GET4: variants seen among roughly 807,000 people sequenced by gnomAD.
GET4 encodes Golgi to ER traffic protein 4 homolog.
GET4 carries 20 observed loss-of-function variants against 40.0 expected under a neutral mutation model. The observed-to-expected ratio is 0.50, with a 90% CI of 0.35 to 0.73. The LOEUF is 0.73. Among genes scored for constraint, GET4 ranks in the 30% least tolerant of loss-of-function variants. The pLI is 0.01. For missense variants in GET4, 557 were observed against 454.0 expected (o/e 1.23, Z -2.06); for synonymous variants, 280 against 194.6 (o/e 1.44, Z -3.65).
At chr7:878,524 C>T (rs1487747392) in intron 1 of GET4, among the ~76,000 whole-genome samples, 1 of 151,216 alleles carries the variant, frequency 6.6e-6, no homozygotes, top group African/African-American at 2.4e-5. Context: ...GTTGGTCTGG[C>T]CTTTATACAG....
intron 5 of GET4, among the ~76,000 whole-genome samples, chr7:891,472 C>T (rs935505277): frequency 2.6e-5 from 4 of 151,680 alleles, no homozygotes; most frequent in Non-Finnish European, 4.4e-5. Flanking sequence ...AGGCTCCGGG[C>T]GCTGTCTGCT....
intron 5 of GET4, 89 bp from the exon 6 acceptor site, chr7:892,189 C>A: frequency 7.2e-7 from 1 of 1,396,206 alleles, no homozygotes; most frequent in Non-Finnish European, 1.0e-6. Context: ...GGCGCACGAG[C>A]TTGGGAAGGA....
Position 886,648 on chromosome 7 carries a change from T to C in GET4, c.314T>C (p.Leu105Pro). The C allele has an allele frequency of 6.2e-7, 1 of 1,606,978 alleles. No homozygotes were observed. The highest frequency in any genetic ancestry group is 8.5e-7 in the Non-Finnish European group (1 of 1,174,908). Residue 105 changes from leucine to proline, a missense_variant and splice_region_variant, in exon 3 of 9, where the codon CTG becomes CCG. By Grantham distance (98) the Leu-to-Pro change is moderately conservative. Transcript: ENST00000265857. ...GAAGTGGAGGTGGCTGACGAGCTGC[T>C]GGGTGAGCATCCGGCCCTTCACCCC... Reference protein sequence around the residue: ...KAEVEVADELLENLAKVFSLM... With the variant: ...KAEVEVADELPENLAKVFSLM...
rs749467342 is a variant in GET4, at chr7:895,429, C to G, written c.*7C>G. Reference sequence around the variant, plus strand: ...CCCCATCGAGCTGGACTGAACTGGCCAGGCCACGTGGAGACACCACGGTCG... The same window carrying G: ...CCCCATCGAGCTGGACTGAACTGGCGAGGCCACGTGGAGACACCACGGTCG... On this transcript the variant is annotated 3_prime_UTR_variant, in exon 9 of 9. Coordinates refer to ENST00000265857, the MANE Select transcript of GET4 (RefSeq NM_015949.3). The G allele has an allele frequency of 3.4e-6, 5 of 1,491,002 alleles. No individual in the cohort carries two copies. In the East Asian group the frequency reaches 9.2e-5, roughly 27 times the overall value. 92.4% of individuals were successfully genotyped at this position (1,491,002 alleles called of 1,614,324 possible). A position where few individuals can be genotyped will look rare whatever the true frequency, so the allele number is the denominator to read the frequency against.
At chr7:879,525 C>T (rs1585487992) in intron 1 of GET4, among the ~76,000 whole-genome samples, 1 of 152,210 alleles carries the variant, frequency 6.6e-6, no homozygotes, top group East Asian at 1.9e-4. Context: ...GGGCTCAGGA[C>T]AGTGCATGTG....
chr7:887,483 C>T lies in GET4; in HGVS notation c.430C>T (p.Arg144Trp), dbSNP rs1266849962. The T allele has an allele frequency of 8.2e-6, 13 of 1,576,242 alleles. No individual in the cohort carries two copies. The highest frequency in any genetic ancestry group is 1.1e-5 in the Non-Finnish European group (13 of 1,160,718). ...SGGSGKLGHP[R>W]LHQLLALTLW... ...GGGCTCCGGGAAGCTGGGCCACCCC[C>T]GGCTGCACCAGCTGCTGGCCCTCAC... The change falls in exon 4 of 9, where the codon CGG (arginine) becomes TGG (tryptophan). Residue 144 changes from arginine (R) to tryptophan (W), a missense_variant. Arg to Trp is a moderately radical substitution (Grantham distance 101). Coordinates refer to ENST00000265857, the MANE Select transcript of GET4 (RefSeq NM_015949.3).
At position 886,581 on chromosome 7, in the gene GET4, G is replaced by A. The variant is rs1171074764; in HGVS notation, c.247G>A (p.Ala83Thr). 1.9e-6 allele frequency: 3 copies of A among 1,612,016 alleles called. No homozygotes were observed. Among genetic ancestry groups the A allele is most frequent in the South Asian group, 2.2e-5 (2 of 91,044 alleles). ...FFSHGQQNSA[A>T]DLSMLVLESL... ...CTTTCTCTTGTAGCAAAACAGTGCAGCAGACTTGTCCATGCTGGTCCTGGA... is the reference window on the plus strand; with the variant it reads ...CTTTCTCTTGTAGCAAAACAGTGCAACAGACTTGTCCATGCTGGTCCTGGA... The change falls in exon 3 of 9, where the codon GCA (alanine) becomes ACA (threonine). Residue 83 changes from alanine (A) to threonine (T), a missense_variant. Physicochemically the swap from Ala to Thr is moderately conservative, Grantham distance 58. Transcript: ENST00000265857.
At position 892,411 on chromosome 7, in the gene GET4, G is replaced by T. The variant is rs776018967; in HGVS notation, c.739G>T (p.Val247Leu). The T allele has an allele frequency of 1.3e-6, 2 of 1,587,206 alleles. No individual in the cohort carries two copies. Among genetic ancestry groups the T allele is most frequent in the Admixed American group, 1.7e-5 (1 of 59,664 alleles). Reference protein sequence around the residue: ...LNFIWFLLLAVDGGKLTVFTV... With the variant: ...LNFIWFLLLALDGGKLTVFTV... ...CTTCATCTGGTTCCTGCTGCTGGCT[G>T]TGGACGGGTGCGTCTTGGGATCCTG... Residue 247 changes from valine (V) to leucine (L), a missense_variant, in exon 6 of 9, where the codon GTG becomes TTG. Val to Leu is a conservative substitution (Grantham distance 32, BLOSUM62 1). Coordinates refer to ENST00000265857, the MANE Select transcript of GET4 (RefSeq NM_015949.3).
intron 1 of GET4, chr7:879,854 G>T (rs930283619): frequency 2.0e-5 from 3 of 152,190 alleles, no homozygotes; most frequent in African/African-American, 7.2e-5. Flanking sequence ...CTCCCAAATG[G>T]CACGGGTTGT....
intron 6 of GET4, among the ~76,000 whole-genome samples, chr7:893,086 GGTGCGGGCGTGGTGATGT>G (rs1462051163): frequency 6.7e-6 from 1 of 148,922 alleles, no homozygotes; most frequent in Admixed American, 6.7e-5. Flanking sequence ...GCGAGTGTTG[GGTGCGGGCGTGGTGATGT>G]GTGCAGGCAA....
intron 1 of GET4, among the ~76,000 whole-genome samples, chr7:878,984 C>T (rs967058624): frequency 3.3e-5 from 5 of 149,698 alleles, no homozygotes; most frequent in Non-Finnish European, 7.4e-5. Context: ...ACACCCCCCC[C>T]CGAGTAGAGT....
intron 1 of GET4, chr7:885,368 C>T (rs1205483113): frequency 6.6e-6 from 1 of 152,392 alleles, no homozygotes; most frequent in Non-Finnish European, 1.5e-5. Context: ...GCGGCCATCT[C>T]GGCTTCTCTC....
chr7:878,830 C>T (rs961360184), intron 1 of GET4, among the ~76,000 whole-genome samples: 1 of 152,212 alleles, frequency 6.6e-6, no homozygotes, highest in South Asian at 2.1e-4. Context: ...CCGCCCACCT[C>T]GGCCACCCAA....
intron 5 of GET4, among the ~76,000 whole-genome samples, chr7:891,326 C>T (rs2128629082): frequency 6.6e-6 from 1 of 152,354 alleles, no homozygotes; most frequent in African/African-American, 2.4e-5. Context: ...TCGCCCACTG[C>T]CGGGAGGCCC....
In GET4 at chr7:883,782, G is replaced by T. The variant is rs866659022; in HGVS notation, c.156-2274G>T. The T allele has an allele frequency of 7.5e-5, 74 of 987,748 alleles. 1 individual carries two copies. In the Middle Eastern group the frequency reaches 2.1e-3, roughly 28 times the overall value. 61.2% of individuals were successfully genotyped at this position (987,748 alleles called of 1,614,324 possible). On this transcript the variant is annotated intron_variant, in intron 1 of 8. Transcript: ENST00000265857. ...AGTCACCTGGAAACCAAAATCCTTC[G>T]CAGCTTCCAGAATTCTCCAGTACAG...
In GET4 at chr7:877,498, A is replaced by T. The variant is rs988845751; in HGVS notation, c.155+698A>T. Among the ~76,000 whole-genome samples the T allele has an allele frequency of 4.5e-4, 13 of 29,152 alleles. 1 individual carries two copies. In the East Asian group the frequency reaches 0.015, roughly 33 times the overall value. The allele number at this position is 29,152 out of a possible 152,430, so 19.1% of individuals were successfully genotyped here. A position where few individuals can be genotyped will look rare whatever the true frequency, so the allele number is the denominator to read the frequency against. ...CTCTCTCCCTGTCCTCCCTCTGCCC[A>T]CCCCCCGTCTCTCTCTCTTCCTGCT... On this transcript the variant is annotated intron_variant, in intron 1 of 8. Transcript: ENST00000265857.
At chr7:894,309 C>G (rs1284622778) in intron 8 of GET4, among the ~76,000 whole-genome samples, 2 of 152,164 alleles carry the variant, frequency 1.3e-5, no homozygotes, top group Non-Finnish European at 2.9e-5. Context: ...GCCCGGGACG[C>G]TGCCAGCCGT....
In GET4 at chr7:876,814, G is replaced by A; in HGVS notation, c.155+14G>A. 3 of 1,172,602 alleles carry A rather than the reference G, an allele frequency of 2.6e-6. No individual in the cohort carries two copies. Among genetic ancestry groups the A allele is most frequent in the Non-Finnish European group, 3.2e-6 (3 of 937,154 alleles). 72.6% of individuals were successfully genotyped at this position (1,172,602 alleles called of 1,614,324 possible). A position where few individuals can be genotyped will look rare whatever the true frequency, so the allele number is the denominator to read the frequency against. ...CCTGTTCTTCAGGTACCCGCGCCCG[G>A]CCCTCGCCGCAGCCCAGCGCCCGCC... On this transcript the variant is annotated intron_variant, in intron 1 of 8. Transcript: ENST00000265857.
At position 891,037 on chromosome 7, in the gene GET4, G is replaced by A; in HGVS notation, c.576G>A (p.Val192=). The part of the protein sequence containing the change: ...YSTSRGFRSE[V]DMFVAQAVLQ... ...CGTCCCGCGGCTTCCGCAGCGAGGTGGACATGTTCGTGGCCCAGGCCGTGC... is the reference window on the plus strand; with the variant it reads ...CGTCCCGCGGCTTCCGCAGCGAGGTAGACATGTTCGTGGCCCAGGCCGTGC... The change falls in exon 5 of 9, where the codon GTG becomes GTA. Residue 192 remains valine (V), a synonymous_variant. Transcript: ENST00000265857. 1 of 1,608,682 alleles carries A rather than the reference G, an allele frequency of 6.2e-7. No homozygotes were observed. Among genetic ancestry groups the A allele is most frequent in the Non-Finnish European group, 8.5e-7 (1 of 1,176,060 alleles).
Sources: allele counts gnomAD v4.1 joint callset (sites outside exome capture counted in the v4.1 genomes callset), GRCh38; gene constraint gnomAD v4.1.1; transcripts MANE v1.5; gene names NCBI Gene and HGNC (gene_info 2026-07-23, HGNC 2026-07-21).